The following CDH18 variants were observed in gnomAD, a reference collection of about 807,000 sequenced individuals.
CDH18 encodes cadherin-18.
A neutral mutation model predicts 67.9 loss-of-function variants in CDH18; 31 were observed. The ratio of observed to expected loss-of-function variants is 0.46; its 90% confidence interval spans 0.34 to 0.62. The LOEUF is 0.62. Ranked by LOEUF, CDH18 falls within the 20% of genes least tolerant of loss-of-function variation. The pLI is 0.01. For synonymous variants in CDH18, 362 were observed against 347.2 expected, an observed-to-expected ratio of 1.04 and a Z score of -0.48; for missense variants, 890 against 975.5, an observed-to-expected ratio of 0.91 and a Z score of 1.17.
In CDH18 at chr5:20,507,637, G is replaced by T. The variant is rs146050706; in HGVS notation, c.-580+67825C>A. 1.4e-3 allele frequency among the ~76,000 whole-genome samples: 210 copies of T among 152,216 alleles called. 2 individuals carry two copies. Among genetic ancestry groups the T allele is most frequent in the Admixed American group, 4.1e-3 (62 of 15,284 alleles). On this transcript the variant is annotated intron_variant, in intron 1 of 14. Coordinates refer to the CDH18 transcript ENST00000507958. ...AGGAAAATAAGATACTGAACAAAAAGACAGCTATTAGCATAAAGGCATAGA... is the reference window on the plus strand; with the variant it reads ...AGGAAAATAAGATACTGAACAAAAATACAGCTATTAGCATAAAGGCATAGA...
intron 2 of CDH18, among the ~76,000 whole-genome samples, chr5:20,061,440 C>T (rs1213699242): frequency 1.3e-5 from 2 of 152,126 alleles, no homozygotes; most frequent in Admixed American, 6.5e-5. Context: ...TTCCACCTTC[C>T]ATACACACGT....
Position 19,652,037 on chromosome 5 carries a change from TTAC to T in CDH18, c.644-39439_644-39437del, listed in dbSNP as rs535802140. Among the ~76,000 whole-genome samples, 1,118 of 152,180 alleles carry T rather than the reference TTAC, an allele frequency of 7.3e-3. 6 individuals are homozygous for T. The highest frequency in any genetic ancestry group is 0.015 in the South Asian group (73 of 4,828). ...TTCATAGCTATTAATGCTATTCATGTTACTACTAACATTTTATGTAATTTTTAT... is the reference window on the plus strand; with the variant it reads ...TTCATAGCTATTAATGCTATTCATGTTACTAACATTTTATGTAATTTTTAT... On this transcript the variant is annotated intron_variant, in intron 5 of 12. Coordinates refer to ENST00000382275, the MANE Select transcript of CDH18 (RefSeq NM_004934.5).
intron 1 of CDH18, among the ~76,000 whole-genome samples, chr5:20,327,250 CAT>C (rs1738687516): frequency 6.6e-6 from 1 of 152,216 alleles, no homozygotes; most frequent in Non-Finnish European, 1.5e-5. Context: ...TTCCTAAACA[CAT>C]AGCTGTAATT....
chr5:19,584,295 A>T (rs1025335031), intron 7 of CDH18, among the ~76,000 whole-genome samples: 3 of 152,212 alleles, frequency 2.0e-5, no homozygotes, highest in African/African-American at 7.2e-5. Context: ...TGATGAAGGA[A>T]TGATACAGAC....
chr5:19,625,322 GT>G lies in CDH18; in HGVS notation c.644-12722del, dbSNP rs768890000. On this transcript the variant is annotated intron_variant, in intron 5 of 12. Coordinates refer to ENST00000382275, the MANE Select transcript of CDH18 (RefSeq NM_004934.5). ...AATTCTTGTTTTTGACAAATTATTT[GT>G]TTTTTTTTTCCCCACTAGAACAAAA... Among the ~76,000 whole-genome samples, 657 of 147,506 alleles carry G rather than the reference GT, an allele frequency of 4.5e-3. 1 individual carries two copies. Among genetic ancestry groups the G allele is most frequent in the African/African-American group, 0.012 (472 of 40,158 alleles).
At chr5:20,036,826 G>C (rs1739906238) in intron 2 of CDH18, among the ~76,000 whole-genome samples, 1 of 152,014 alleles carries the variant, frequency 6.6e-6, no homozygotes, top group Non-Finnish European at 1.5e-5. Flanking sequence ...ATTTAGGATA[G>C]TTAGCTCTTC....
chr5:19,806,152 C>T (rs1475302079), intron 3 of CDH18, among the ~76,000 whole-genome samples: 1 of 152,178 alleles, frequency 6.6e-6, no homozygotes, highest in Non-Finnish European at 1.5e-5. Context: ...TTACCAGCCT[C>T]GTTTTCTACT....
chr5:19,972,826 G>A (rs1170315484), intron 2 of CDH18, among the ~76,000 whole-genome samples: 3 of 151,852 alleles, frequency 2.0e-5, no homozygotes, highest in Non-Finnish European at 4.4e-5. Flanking sequence ...ATACAAGACT[G>A]TTCACAGTTA....
chr5:20,404,587 C>A (rs1289699256), intron 1 of CDH18, among the ~76,000 whole-genome samples: 1 of 152,078 alleles, frequency 6.6e-6, no homozygotes, highest in Non-Finnish European at 1.5e-5. Context: ...GCACCCATAA[C>A]ACACACAGGA....
intron 2 of CDH18, among the ~76,000 whole-genome samples, chr5:20,170,090 T>G (rs1265320126): frequency 1.3e-5 from 2 of 152,096 alleles, no homozygotes; most frequent in Non-Finnish European, 2.9e-5. Flanking sequence ...TGTAAATATG[T>G]GACATGGGTT....
rs34972691 is a variant in CDH18, at chr5:19,473,030, CT to C, written c.*195del. On this transcript the variant is annotated 3_prime_UTR_variant, in exon 13 of 13. Transcript: ENST00000382275. ...AACAATAACTTTTTCTTTGTATTGT[CT>C]TTTTTTTTTTTTTTTTACTTTCTTC... is the stretch of plus-strand genomic sequence containing the variant. 150,097 of 403,206 alleles carry C rather than the reference CT, an allele frequency of 0.37. 9,763 individuals are homozygous for C. The highest frequency in any genetic ancestry group is 0.45 in the African/African-American group (20,832 of 46,292). The allele number at this position is 403,206 out of a possible 1,614,324, so 25.0% of individuals were successfully genotyped here. A position where few individuals can be genotyped will look rare whatever the true frequency, so the allele number is the denominator to read the frequency against.
intron 7 of CDH18, among the ~76,000 whole-genome samples, chr5:19,583,498 G>A (rs969676652): frequency 6.6e-6 from 1 of 151,992 alleles, no homozygotes; most frequent in African/African-American, 2.4e-5. Context: ...ATATACACAC[G>A]GTATTTCATT....
chr5:19,804,963 T>G (rs62355776), intron 3 of CDH18, among the ~76,000 whole-genome samples: 1 of 143,548 alleles, frequency 7.0e-6, no homozygotes, highest in Non-Finnish European at 1.5e-5. Flanking sequence ...TTTTTTTTTT[T>G]GGACAGGGTG....
At chr5:19,881,167 A>C (rs1279474439) in intron 2 of CDH18, among the ~76,000 whole-genome samples, 1 of 152,162 alleles carries the variant, frequency 6.6e-6, no homozygotes, top group Non-Finnish European at 1.5e-5. Context: ...AATAAGAAAA[A>C]TTACTAACAT....
intron 2 of CDH18, among the ~76,000 whole-genome samples, chr5:19,941,075 A>T (rs753194072): frequency 5.9e-5 from 9 of 151,992 alleles, no homozygotes; most frequent in Non-Finnish European, 1.3e-4. Context: ...CCCCAATATG[A>T]TAGTATTTGG....
At chr5:19,557,901 C>A (rs1157319276) in intron 8 of CDH18, among the ~76,000 whole-genome samples, 1 of 151,954 alleles carries the variant, frequency 6.6e-6, no homozygotes, top group African/African-American at 2.4e-5. Context: ...GGCCACAGTA[C>A]AATTCTCAAC....
chr5:20,431,804 C>G (rs1228535882), intron 1 of CDH18, among the ~76,000 whole-genome samples: 1 of 152,150 alleles, frequency 6.6e-6, no homozygotes, highest in African/African-American at 2.4e-5. Flanking sequence ...TTCAAATAAA[C>G]TTCATTAAAT....
chr5:20,463,433 T>C (rs1751413023), intron 1 of CDH18, among the ~76,000 whole-genome samples: 1 of 152,054 alleles, frequency 6.6e-6, no homozygotes, highest in Non-Finnish European at 1.5e-5. Flanking sequence ...AGAAATTAGG[T>C]TTAACTGACT....
intron 2 of CDH18, among the ~76,000 whole-genome samples, chr5:20,163,104 C>G (rs1370965176): frequency 6.6e-6 from 1 of 151,762 alleles, no homozygotes; most frequent in Admixed American, 6.6e-5. Context: ...ATCTGTAGAG[C>G]CTTTATTTAG....
Sources: allele counts gnomAD v4.1 joint callset (sites outside exome capture counted in the v4.1 genomes callset), GRCh38; gene constraint gnomAD v4.1.1; transcripts MANE v1.5; gene names NCBI Gene and HGNC (gene_info 2026-07-23, HGNC 2026-07-21).